Variants in UBR3 observed in about 807,000 individuals in gnomAD.
The protein encoded by UBR3 is E3 ubiquitin-protein ligase UBR3.
A neutral mutation model predicts 243.2 loss-of-function variants in UBR3; 85 were observed. That is an observed-to-expected ratio of 0.35 (90% CI 0.29 to 0.42). The LOEUF (loss-of-function observed/expected upper bound fraction) is 0.42. UBR3 is among the 10% of genes least tolerant of loss of function. The probability of loss-of-function intolerance (pLI) is 1.00; values close to 1 mark genes in which losing one functional copy is unlikely to be tolerated. For missense variants in UBR3, 1,686 were observed against 2,300.8 expected (o/e 0.73, Z 5.47); for synonymous variants, 748 against 799.8 (o/e 0.94, Z 1.09).
chr2:169,938,035 C>G (rs1487843874), intron 19 of UBR3, among the ~76,000 whole-genome samples: 3 of 151,906 alleles, frequency 2.0e-5, no homozygotes, highest in Admixed American at 2.0e-4. Flanking sequence ...GCTATTTGAT[C>G]CTCCCCAGAG....
intron 31 of UBR3, among the ~76,000 whole-genome samples, chr2:170,037,826 CATATT>C (rs1392706180): frequency 6.6e-6 from 1 of 152,094 alleles, no homozygotes; most frequent in African/African-American, 2.4e-5. Flanking sequence ...CTGTTGTATG[CATATT>C]ATGTTTCAGT....
rs993572518 is a variant in UBR3 at position 169,958,654 on chromosome 2, A to G, written c.3634+128A>G. On this transcript the variant is annotated intron_variant, in intron 24 of 38. Transcript: ENST00000272793. ...TTTCTAGTGTTTATTTGGTCCTTAA[A>G]CAATATAGTGATGGAAGATCAGACT... 4 of 729,384 alleles carry G rather than the reference A, an allele frequency of 5.5e-6. No individual in the cohort carries two copies. In the African/African-American group the frequency reaches 7.2e-5, roughly 13 times the overall value. The allele number at this position is 729,384 out of a possible 1,614,324, so 45.2% of individuals were successfully genotyped here.
At chr2:169,854,557 T>A (rs2082770657) in intron 1 of UBR3, among the ~76,000 whole-genome samples, 1 of 152,174 alleles carries the variant, frequency 6.6e-6, no homozygotes, top group South Asian at 2.1e-4. Context: ...TAAGAGTTTC[T>A]GTATTGATAA....
chr2:170,059,678 A>G (rs1377917689), intron 33 of UBR3, among the ~76,000 whole-genome samples: 2 of 152,174 alleles, frequency 1.3e-5, no homozygotes, highest in African/African-American at 4.8e-5. Flanking sequence ...GGCAAGTCAC[A>G]TGATATAAGG....
At chr2:170,021,472 T>C (rs1032664862) in intron 30 of UBR3, among the ~76,000 whole-genome samples, 1 of 152,088 alleles carries the variant, frequency 6.6e-6, no homozygotes, top group Non-Finnish European at 1.5e-5. Context: ...GGGCAAGAGA[T>C]CTCTCTGGGA....
At chr2:169,869,193 C>A (rs919484662) in intron 1 of UBR3, among the ~76,000 whole-genome samples, 2 of 95,294 alleles carry the variant, frequency 2.1e-5, no homozygotes, top group Non-Finnish European at 4.4e-5. Flanking sequence ...GTTTAAACTT[C>A]TGGTGATGCT....
intron 24 of UBR3, among the ~76,000 whole-genome samples, chr2:169,963,293 T>A (rs1230327837): frequency 6.6e-6 from 1 of 152,196 alleles, no homozygotes; most frequent in Non-Finnish European, 1.5e-5. Context: ...CATGTGCTGA[T>A]TCTGAGCCCA....
At chr2:170,016,328 G>A (rs1388334827) in intron 30 of UBR3, among the ~76,000 whole-genome samples, 1 of 151,740 alleles carries the variant, frequency 6.6e-6, no homozygotes, top group African/African-American at 2.4e-5. Context: ...AGTAGAATTT[G>A]ATATTTTCTT....
chr2:169,888,149 A>AT (rs1315018219), intron 5 of UBR3, among the ~76,000 whole-genome samples: 1 of 87,290 alleles, frequency 1.1e-5, no homozygotes, highest in Non-Finnish European at 2.7e-5. Context: ...TTATTTATTT[A>AT]TTTATTTTTG....
chr2:170,062,454 TC>T (rs2091475135), intron 35 of UBR3, among the ~76,000 whole-genome samples: 1 of 152,246 alleles, frequency 6.6e-6, no homozygotes, highest in African/African-American at 2.4e-5. Context: ...TTCATTTTTA[TC>T]AAGTGCTTCA....
At chr2:169,907,323 A>G (rs1333919644) in intron 10 of UBR3, among the ~76,000 whole-genome samples, 1 of 152,130 alleles carries the variant, frequency 6.6e-6, no homozygotes, top group Non-Finnish European at 1.5e-5. Context: ...GTTCTGAATT[A>G]ACTTTTAAAA....
At chr2:169,848,100 G>C (rs1371034100) in intron 1 of UBR3, among the ~76,000 whole-genome samples, 1 of 152,156 alleles carries the variant, frequency 6.6e-6, no homozygotes, top group East Asian at 1.9e-4. Context: ...AAGGAAGTAA[G>C]CTCTGACACA....
intron 11 of UBR3, among the ~76,000 whole-genome samples, chr2:169,921,977 C>T (rs887609617): frequency 1.3e-5 from 2 of 151,220 alleles, no homozygotes; most frequent in Non-Finnish European, 2.9e-5. Flanking sequence ...GGGGACAGTG[C>T]GAGACTCAAA....
At chr2:169,883,021 T>G (rs140437930) in intron 5 of UBR3, among the ~76,000 whole-genome samples, 1,783 of 152,298 alleles carry the variant, frequency 0.012, 50 homozygotes, top group African/African-American at 0.04. Context: ...GGATAAACCA[T>G]GATTGTCATT....
chr2:170,078,371 A>G (rs2091853013), intron 36 of UBR3: 1 of 242,328 alleles, frequency 4.1e-6, no homozygotes, highest in Non-Finnish European at 8.0e-6. Context: ...AACTCCACAC[A>G]GGCCGCAACA....
chr2:169,949,761 G>A lies in UBR3; in HGVS notation c.3241G>A (p.Ala1081Thr). Residue 1081 changes from alanine to threonine, a missense_variant, in exon 23 of 39, where the codon GCC (alanine) becomes ACC (threonine). Physicochemically the swap from Ala to Thr is moderately conservative, Grantham distance 58. This residue lies in a region of UBR3 where 300 missense variants were observed against 314.4 expected (regional missense o/e 0.95). Transcript: ENST00000272793. ...TGGTTCAGCTCCACAGTTAACTACA[G>A]CCATTTTGGAAATTAAAGAAAGCAT... is the stretch of plus-strand genomic sequence containing the variant. The part of the protein sequence containing the change: ...APGSAPQLTT[A>T]ILEIKESILS... The A allele has an allele frequency of 6.4e-7, 1 of 1,551,592 alleles. No individual in the cohort carries two copies. Among genetic ancestry groups the A allele is most frequent in the Non-Finnish European group, 8.7e-7 (1 of 1,146,792 alleles).
rs1300636409 is a variant in UBR3 at position 169,942,614 on chromosome 2, C to T, written c.2785C>T (p.Leu929=). The T allele has an allele frequency of 6.5e-7, 1 of 1,545,636 alleles. No homozygotes were observed. The change falls in exon 20 of 39, where the codon CTA becomes TTA. Residue 929 remains leucine, a synonymous_variant. Transcript: ENST00000272793. ...LLHCKTLHIV[L]FTLLYKILMD... is the part of the protein sequence containing the mutation. The stretch of plus-strand genomic sequence containing the variant: ...GCACTGTAAAACTTTACACATTGTG[C>T]TATTCACTCTGCTTTACAAGGTACA...
At chr2:169,841,784 G>A (rs2082300573) in intron 1 of UBR3, among the ~76,000 whole-genome samples, 1 of 152,238 alleles carries the variant, frequency 6.6e-6, no homozygotes, top group Non-Finnish European at 1.5e-5. Context: ...GCAGGGCTCG[G>A]GACCTGCAGC....
At chr2:169,891,261 T>C (rs2105324696) in intron 6 of UBR3, 30 bp downstream of exon 6, 4 of 1,503,064 alleles carry the variant, frequency 2.7e-6, no homozygotes, top group Non-Finnish European at 3.6e-6. Flanking sequence ...TTTTTTTCCT[T>C]GAATAAAATG....
Sources: gnomAD v4.1 joint callset for allele counts (sites outside exome capture counted in the v4.1 genomes callset) on GRCh38, gnomAD v4.1.1 for gene constraint, gnomAD v4.1.1 regional missense constraint, MANE v1.5 for transcripts, NCBI Gene and HGNC (gene_info 2026-07-23, HGNC 2026-07-21) for gene names.